ELAVL3: variants seen among roughly 807,000 people sequenced by gnomAD.
The protein encoded by ELAVL3 is ELAV-like protein 3.
In ELAVL3, 8 loss-of-function variants were observed where a neutral mutation model predicts 34.2. The observed-to-expected ratio is 0.23, with a 90% confidence interval of 0.14 to 0.42. The LOEUF (loss-of-function observed/expected upper bound fraction) is 0.42. ELAVL3 is among the 10% of genes least tolerant of loss of function. ELAVL3 has a pLI of 1.00. For synonymous variants in ELAVL3, 209 were observed against 222.1 expected (o/e 0.94, Z 0.53); for missense variants, 273 against 518.8 (o/e 0.53, Z 4.60).
chr19:11,474,695 C>T (rs895837673), intron 1 of ELAVL3, among the ~76,000 whole-genome samples: 2 of 152,114 alleles, frequency 1.3e-5, no homozygotes, highest in Non-Finnish European at 1.5e-5. Flanking sequence ...GCCTGGAGTG[C>T]AGTTATTATT....
Position 11,458,684 on chromosome 19 carries a change from C to A in ELAVL3, c.334-73G>T. 2 of 1,571,816 alleles carry A rather than the reference C, an allele frequency of 1.3e-6. No homozygotes were observed. Among genetic ancestry groups the A allele is most frequent in the South Asian group, 1.1e-5 (1 of 88,054 alleles). On this transcript the variant is annotated intron_variant, in intron 3 of 6. Coordinates refer to ENST00000359227, the MANE Select transcript of ELAVL3 (RefSeq NM_001420.4). This position sits in a 1 kb window ranked among gnomAD's most constrained non-coding sequence, Gnocchi z 7.3. ...ACAGATGGAGAGAGTGAGGCCATGT[C>A]TAAACCATCACGGAGTTAGCAGAAG...
chr19:11,464,075 C>T (rs1158807227), intron 3 of ELAVL3, among the ~76,000 whole-genome samples: 2 of 149,990 alleles, frequency 1.3e-5, no homozygotes, highest in Non-Finnish European at 3.0e-5. Flanking sequence ...TGACAGCAGC[C>T]TCTCTCTCCC....
In ELAVL3 at chr19:11,460,366, C is replaced by T. The variant is rs1211941984; in HGVS notation, c.334-1755G>A. The stretch of plus-strand genomic sequence containing the variant: ...GCTCCCATCCCCCACTGTCTGTCCC[C>T]CCTACGGCAGCCAGAGGGCGCCTGT... On this transcript the variant is annotated intron_variant, in intron 3 of 6. Transcript: ENST00000359227. 3.3e-5 allele frequency among the ~76,000 whole-genome samples: 5 copies of T among 150,746 alleles called. No homozygotes were observed. In the Admixed American group the frequency reaches 3.3e-4, roughly 10 times the overall value.
Position 11,466,209 on chromosome 19 carries a change from G to A in ELAVL3, c.296C>T (p.Thr99Ile). The A allele has an allele frequency of 1.2e-6, 2 of 1,613,816 alleles. No homozygotes were observed. Residue 99 changes from threonine (T) to isoleucine (I), a missense_variant, in exon 3 of 7, where the codon ACC (threonine) becomes ATC (isoleucine). By Grantham distance (89) the Thr-to-Ile change is moderately conservative. This residue lies in a region of ELAVL3 where 102 missense variants were observed against 250.1 expected (regional missense o/e 0.41). Coordinates refer to ENST00000359227, the MANE Select transcript of ELAVL3 (RefSeq NM_001420.4). The surrounding 1 kb of genome is among the most constrained non-coding windows in gnomAD (Gnocchi z 5.0). Reference protein sequence around the residue: ...DPNDADKAINTLNGLKLQTKT... With the variant: ...DPNDADKAINILNGLKLQTKT... The stretch of plus-strand genomic sequence containing the variant: ...CGTCTGTAATTTGAGGCCGTTGAGG[G>A]TGTTGATGGCTTTGTCTGCATCATT...
intron 6 of ELAVL3, among the ~76,000 whole-genome samples, chr19:11,455,829 T>A (rs1253458356): frequency 6.6e-6 from 1 of 151,994 alleles, no homozygotes; most frequent in Non-Finnish European, 1.5e-5. Flanking sequence ...ACTTGGGAGG[T>A]GTCTGTTGAA....
In ELAVL3 at chr19:11,459,116, A is replaced by AT. The variant is rs760190894; in HGVS notation, c.334-506dup. Among the ~76,000 whole-genome samples the AT allele has an allele frequency of 3.8e-3, 473 of 125,848 alleles. 4 individuals carry two copies. Among genetic ancestry groups the AT allele is most frequent in the Non-Finnish European group, 5.9e-3 (344 of 58,062 alleles). The allele number at this position is 125,848 out of a possible 152,430, so 82.6% of individuals were successfully genotyped here. ...GCGCCCACCACCACGCCTGACCAGC[A>AT]TTTTTTTTTTCTTTTTTTTTTTTTT... is the stretch of plus-strand genomic sequence containing the variant. On this transcript the variant is annotated intron_variant, in intron 3 of 6. Coordinates refer to ENST00000359227, the MANE Select transcript of ELAVL3 (RefSeq NM_001420.4).
At chr19:11,464,151 C>CTCTATATATA (rs1215435723) in intron 3 of ELAVL3, among the ~76,000 whole-genome samples, 29 of 86,452 alleles carry the variant, frequency 3.4e-4, no homozygotes, top group African/African-American at 1.6e-3. Flanking sequence ...CTCTCTCTCT[C>CTCTATATATA]TATATATATA....
At chr19:11,464,989 A>G (rs1323138198) in intron 3 of ELAVL3, among the ~76,000 whole-genome samples, 2 of 126,194 alleles carry the variant, frequency 1.6e-5, no homozygotes, top group African/African-American at 3.2e-5. Flanking sequence ...CACCACACAC[A>G]CACCACACAC....
At position 11,452,088 on chromosome 19, in the gene ELAVL3, G is replaced by A. The variant is rs1970657143; in HGVS notation, c.*2438C>T. The A allele has an allele frequency of 6.6e-6, 1 of 152,204 alleles. No individual in the cohort carries two copies. Among genetic ancestry groups the A allele is most frequent in the South Asian group, 2.1e-4 (1 of 4,834 alleles). The allele number at this position is 152,204 out of a possible 1,614,324, so 9.4% of individuals were successfully genotyped here. A position where few individuals can be genotyped will look rare whatever the true frequency, so the allele number is the denominator to read the frequency against. On this transcript the variant is annotated 3_prime_UTR_variant, in exon 7 of 7. Coordinates refer to ENST00000359227, the MANE Select transcript of ELAVL3 (RefSeq NM_001420.4). ...AGCTAGGGATTTCACCAGCTAAATA[G>A]GACTGAAAAAATTCTCAAGACAAGA...
At chr19:11,461,714 C>G (rs1338902668) in intron 3 of ELAVL3, among the ~76,000 whole-genome samples, 1 of 152,046 alleles carries the variant, frequency 6.6e-6, no homozygotes, top group Non-Finnish European at 1.5e-5. Context: ...TCCTCCCACC[C>G]TCGGCCTCCC....
intron 1 of ELAVL3, among the ~76,000 whole-genome samples, chr19:11,476,190 C>T (rs949742579): frequency 2.0e-5 from 3 of 152,190 alleles, no homozygotes; most frequent in Non-Finnish European, 2.9e-5. Flanking sequence ...GGAAAAATTC[C>T]TCATGTGAAA....
At position 11,454,982 on chromosome 19, in the gene ELAVL3, A is replaced by C; in HGVS notation, c.753-105T>G. On this transcript the variant is annotated intron_variant, in intron 6 of 6. Coordinates refer to ENST00000359227, the MANE Select transcript of ELAVL3 (RefSeq NM_001420.4). This position sits in a 1 kb window ranked among gnomAD's most constrained non-coding sequence, Gnocchi z 9.2. Reference sequence around the variant, plus strand: ...CCCCTGACTGTGCCATGACCTTGGAATGGTGTGACCCCTGCAATGCAATTT... The same window carrying C: ...CCCCTGACTGTGCCATGACCTTGGACTGGTGTGACCCCTGCAATGCAATTT... 1 of 1,299,538 alleles carries C rather than the reference A, an allele frequency of 7.7e-7. No individual in the cohort carries two copies. Among genetic ancestry groups the C allele is most frequent in the Non-Finnish European group, 1.1e-6 (1 of 949,492 alleles). 80.5% of individuals were successfully genotyped at this position (1,299,538 alleles called of 1,614,324 possible).
At chr19:11,472,893 C>T (rs1335897610) in intron 1 of ELAVL3, among the ~76,000 whole-genome samples, 1 of 151,456 alleles carries the variant, frequency 6.6e-6, no homozygotes, top group African/African-American at 2.4e-5. Context: ...ATGGTGAAAC[C>T]CCGTCTCTAC....
rs1332862156 is a variant in ELAVL3 at position 11,452,214 on chromosome 19, A to G, written c.*2312T>C. ...CCACTCGGCTACCATTACTGTTATT[A>G]ATAATTATTATTACTTTAATGATTC... On this transcript the variant is annotated 3_prime_UTR_variant, in exon 7 of 7. Transcript: ENST00000359227. 3.3e-5 allele frequency: 5 copies of G among 152,222 alleles called. No homozygotes were observed. Among genetic ancestry groups the G allele is most frequent in the African/African-American group, 1.2e-4 (5 of 41,450 alleles). 9.4% of individuals were successfully genotyped at this position (152,222 alleles called of 1,614,324 possible).
At chr19:11,471,374 G>T (rs536649911) in intron 1 of ELAVL3, among the ~76,000 whole-genome samples, 2 of 151,682 alleles carry the variant, frequency 1.3e-5, no homozygotes, top group African/African-American at 4.8e-5. Flanking sequence ...CAGCACTTTG[G>T]GAGGCCGAGG....
Position 11,480,675 on chromosome 19 carries a change from G to C in ELAVL3, c.-67C>G. 1 of 1,340,000 alleles carries C rather than the reference G, an allele frequency of 7.5e-7. No individual in the cohort carries two copies. Among genetic ancestry groups the C allele is most frequent in the Non-Finnish European group, 9.7e-7 (1 of 1,029,760 alleles). The allele number at this position is 1,340,000 out of a possible 1,614,324, so 83.0% of individuals were successfully genotyped here. ...CCGGGGGTGGTGCACTCCTAGGGGG[G>C]CGCCCGATGCTCACGCTGGGGTCCC... On this transcript the variant is annotated 5_prime_UTR_variant, in exon 1 of 7. Transcript: ENST00000359227. This position sits in a 1 kb window ranked among gnomAD's most constrained non-coding sequence, Gnocchi z 6.8.
Position 11,480,506 on chromosome 19 carries a change from C to A in ELAVL3, c.9+94G>T, listed in dbSNP as rs1214917999. On this transcript the variant is annotated intron_variant, in intron 1 of 6. Transcript: ENST00000359227. This position sits in a 1 kb window ranked among gnomAD's most constrained non-coding sequence, Gnocchi z 6.8. ...CAACCCGGGCCTAGCTAGGCCTGGTCCTACCCCCCCCGCCGCACCCGCCCA... is the reference window on the plus strand; with the variant it reads ...CAACCCGGGCCTAGCTAGGCCTGGTACTACCCCCCCCGCCGCACCCGCCCA... 1.1e-5 allele frequency: 12 copies of A among 1,121,584 alleles called. No individual in the cohort carries two copies. The highest frequency in any genetic ancestry group is 1.7e-5 in the African/African-American group (1 of 60,344). 69.5% of individuals were successfully genotyped at this position (1,121,584 alleles called of 1,614,324 possible).
rs1298324394 is a variant in ELAVL3 at position 11,480,988 on chromosome 19, C to T, written c.-380G>A. 4.7e-6 allele frequency: 1 copy of T among 210,696 alleles called. No individual in the cohort carries two copies. Among genetic ancestry groups the T allele is most frequent in the Non-Finnish European group, 9.5e-6 (1 of 105,818 alleles). 13.1% of individuals were successfully genotyped at this position (210,696 alleles called of 1,614,324 possible). A position where few individuals can be genotyped will look rare whatever the true frequency, so the allele number is the denominator to read the frequency against. On this transcript the variant is annotated 5_prime_UTR_variant, in exon 1 of 7. Transcript: ENST00000359227. This position sits in a 1 kb window ranked among gnomAD's most constrained non-coding sequence, Gnocchi z 6.8. ...CTGTCCGGTCCCGTGTGTTCAAGTC[C>T]TCTCCCCTCGCCCACCCTCCCTCCC...
rs1358320088 is a variant in ELAVL3 at position 11,452,466 on chromosome 19, G to A, written c.*2060C>T. On this transcript the variant is annotated 3_prime_UTR_variant, in exon 7 of 7. Transcript: ENST00000359227. ...AGTACAAGAAAGTTAACTGGTGCCA[G>A]TTTATGTCTTTTTTTTTTTTCCTTT... 6.8e-6 allele frequency: 1 copy of A among 146,948 alleles called. No homozygotes were observed. The highest frequency in any genetic ancestry group is 2.5e-5 in the African/African-American group (1 of 39,342). The allele number at this position is 146,948 out of a possible 1,614,324, so 9.1% of individuals were successfully genotyped here.
Sources: allele counts gnomAD v4.1 joint callset (sites outside exome capture counted in the v4.1 genomes callset), GRCh38; gene constraint gnomAD v4.1.1; regional missense constraint gnomAD v4.1.1; non-coding constraint Gnocchi (gnomAD v3.1); transcripts MANE v1.5; gene names NCBI Gene and HGNC (gene_info 2026-07-23, HGNC 2026-07-21).